Variants in SLC9A9 observed in about 807,000 individuals in gnomAD.
The protein encoded by SLC9A9 is solute carrier family 9 member A9, also known as sodium/hydrogen exchanger 9.
In SLC9A9, 62 loss-of-function variants were observed where a neutral mutation model predicts 77.8. That is an observed-to-expected ratio of 0.80 (90% CI 0.65 to 0.98). SLC9A9 has a LOEUF of 0.98. SLC9A9 is among the 50% of genes least tolerant of loss of function. The pLI, the probability that SLC9A9 is intolerant of heterozygous loss-of-function variation, is 0.00. For synonymous variants in SLC9A9, 320 were observed against 283.5 expected, an observed-to-expected ratio of 1.13 and a Z score of -1.29; for missense variants, 775 against 774.9, an observed-to-expected ratio of 1.00 and a Z score of 0.00.
intron 6 of SLC9A9, among the ~76,000 whole-genome samples, chr3:143,598,845 C>G (rs1026965345): frequency 6.6e-6 from 1 of 152,110 alleles, no homozygotes; most frequent in Admixed American, 6.5e-5. Flanking sequence ...CTGGTAGGCA[C>G]CAATAAGGAC....
chr3:143,551,388 C>T (rs1218113186), intron 9 of SLC9A9, among the ~76,000 whole-genome samples: 2 of 152,288 alleles, frequency 1.3e-5, no homozygotes, highest in African/African-American at 4.8e-5. Flanking sequence ...ATGAGTTGGT[C>T]TCTGCTGTCA....
chr3:143,377,240 C>CT (rs935830084), intron 13 of SLC9A9, among the ~76,000 whole-genome samples: 2 of 152,330 alleles, frequency 1.3e-5, no homozygotes, highest in Non-Finnish European at 2.9e-5. Flanking sequence ...AGAACAAATA[C>CT]TTTTATTATT....
At chr3:143,665,111 A>G (rs1340784240) in intron 5 of SLC9A9, among the ~76,000 whole-genome samples, 1 of 152,250 alleles carries the variant, frequency 6.6e-6, no homozygotes, top group East Asian at 1.9e-4. Context: ...CAAATGTAAA[A>G]GAACAGAAAT....
At chr3:143,693,107 A>T (rs777340408) in intron 5 of SLC9A9, 85 bp downstream of exon 5, 10 of 965,390 alleles carry the variant, frequency 1.0e-5, no homozygotes, top group Non-Finnish European at 1.6e-5. Context: ...ATTATTATGT[A>T]GACGCAGGTG....
At chr3:143,813,353 G>A (rs564289655) in intron 2 of SLC9A9, among the ~76,000 whole-genome samples, 3 of 152,216 alleles carry the variant, frequency 2.0e-5, no homozygotes, top group South Asian at 2.1e-4. Context: ...CACACCAGCC[G>A]GGGAGTACTG....
At chr3:143,405,868 A>G (rs11915421) in intron 12 of SLC9A9, among the ~76,000 whole-genome samples, 26,453 of 152,238 alleles carry the variant, frequency 0.17, 2,629 homozygotes, top group Middle Eastern at 0.25. Context: ...AAAATTGAAT[A>G]GATTTTCTTG....
intron 14 of SLC9A9, among the ~76,000 whole-genome samples, chr3:143,284,035 G>A (rs1456844890): frequency 6.6e-6 from 1 of 151,352 alleles, no homozygotes; most frequent in Non-Finnish European, 1.5e-5. Flanking sequence ...ATAGTTCCAG[G>A]ACCTTTTTTT....
Position 143,693,227 on chromosome 3 carries a change from A to G in SLC9A9, c.614T>C (p.Leu205Ser). Reference protein sequence around the residue: ...KNGDFHFTDCLFFGSLMSATD... With the variant: ...KNGDFHFTDCSFFGSLMSATD... ...AGCAGACATCAGTGAACCAAAAAATAAACAGTCAGTGAAATGAAAGTCTCC... is the reference window on the plus strand; with the variant it reads ...AGCAGACATCAGTGAACCAAAAAATGAACAGTCAGTGAAATGAAAGTCTCC... Residue 205 changes from leucine to serine, a missense_variant, in exon 5 of 16, where the codon TTA (leucine) becomes TCA (serine). Physicochemically the swap from Leu to Ser is moderately radical, Grantham distance 145. Transcript: ENST00000316549. 1 of 1,613,316 alleles carries G rather than the reference A, an allele frequency of 6.2e-7. No individual in the cohort carries two copies. The highest frequency in any genetic ancestry group is 1.1e-5 in the South Asian group (1 of 91,058).
Position 143,803,982 on chromosome 3 carries a change from T to C in SLC9A9, c.379-7079A>G, listed in dbSNP as rs147113980. 2.6e-3 allele frequency among the ~76,000 whole-genome samples: 396 copies of C among 152,154 alleles called. 1 individual carries two copies. Among genetic ancestry groups the C allele is most frequent in the African/African-American group, 9.0e-3 (372 of 41,486 alleles). On this transcript the variant is annotated intron_variant, in intron 2 of 15. Transcript: ENST00000316549. ...TCCTCCACACTTACTTAAAAAACCTTTCTCCTTATATTAACTCTACTCCCC... is the reference window on the plus strand; with the variant it reads ...TCCTCCACACTTACTTAAAAAACCTCTCTCCTTATATTAACTCTACTCCCC...
At chr3:143,707,309 C>A (rs1412511892) in intron 4 of SLC9A9, among the ~76,000 whole-genome samples, 1 of 151,588 alleles carries the variant, frequency 6.6e-6, no homozygotes, top group Non-Finnish European at 1.5e-5. Flanking sequence ...GAACAGACAA[C>A]TTTTGAGTAA....
intron 14 of SLC9A9, among the ~76,000 whole-genome samples, chr3:143,271,744 T>C (rs1399010371): frequency 6.6e-6 from 1 of 152,146 alleles, no homozygotes; most frequent in Non-Finnish European, 1.5e-5. Flanking sequence ...GATGTAAGAC[T>C]CTCCTGGGAA....
At chr3:143,461,957 T>C (rs1482831174) in intron 12 of SLC9A9, among the ~76,000 whole-genome samples, 1 of 152,186 alleles carries the variant, frequency 6.6e-6, no homozygotes, top group Admixed American at 6.5e-5. Flanking sequence ...TTTGTATACA[T>C]ATTTGTGATG....
At chr3:143,509,289 T>C (rs2036076517) in intron 9 of SLC9A9, among the ~76,000 whole-genome samples, 1 of 152,216 alleles carries the variant, frequency 6.6e-6, no homozygotes, top group Non-Finnish European at 1.5e-5. Context: ...GGCATGGCTA[T>C]AAATAAATCA....
At chr3:143,711,509 G>C (rs116743521) in intron 4 of SLC9A9, among the ~76,000 whole-genome samples, 5,263 of 151,794 alleles carry the variant, frequency 0.035, 294 homozygotes, top group African/African-American at 0.12. Context: ...AAGGTCTCCT[G>C]CTGTCTTAGC....
intron 14 of SLC9A9, chr3:143,347,164 A>G (rs1162670714): frequency 6.6e-6 from 1 of 152,136 alleles, no homozygotes; most frequent in Admixed American, 6.6e-5. Context: ...ACGAGATGAC[A>G]GGTCAAATTT....
chr3:143,683,669 A>G (rs1933173980), intron 5 of SLC9A9, among the ~76,000 whole-genome samples: 1 of 152,156 alleles, frequency 6.6e-6, no homozygotes, highest in Admixed American at 6.6e-5. Context: ...GATGGGTACC[A>G]AAGTACATAG....
At chr3:143,841,870 C>A (rs960322681) in intron 1 of SLC9A9, among the ~76,000 whole-genome samples, 1 of 151,856 alleles carries the variant, frequency 6.6e-6, no homozygotes, top group South Asian at 2.1e-4. Flanking sequence ...TCTCCTGCCT[C>A]GGCCTCCCGA....
chr3:143,809,598 C>G (rs936389304), intron 2 of SLC9A9, among the ~76,000 whole-genome samples: 1 of 152,004 alleles, frequency 6.6e-6, no homozygotes, highest in Non-Finnish European at 1.5e-5. Flanking sequence ...TTTTTAAGGC[C>G]CAAACAGTTA....
At chr3:143,406,151 C>T (rs2033974369) in intron 12 of SLC9A9, among the ~76,000 whole-genome samples, 1 of 152,050 alleles carries the variant, frequency 6.6e-6, no homozygotes. Context: ...TTCATTGGGC[C>T]TATTTTAGTT....
Sources: allele counts gnomAD v4.1 joint callset (sites outside exome capture counted in the v4.1 genomes callset), GRCh38; gene constraint gnomAD v4.1.1; transcripts MANE v1.5; gene names NCBI Gene and HGNC (gene_info 2026-07-23, HGNC 2026-07-21).